Variants in PKN3 observed in about 807,000 individuals in gnomAD.
The protein encoded by PKN3 is serine/threonine-protein kinase N3.
A neutral mutation model predicts 113.1 loss-of-function variants in PKN3; 91 were observed. That is an observed-to-expected ratio of 0.80 (90% confidence interval 0.68 to 0.96). The LOEUF is 0.96. PKN3 is among the 40% of genes least tolerant of loss of function. The pLI, the probability that PKN3 is intolerant of heterozygous loss-of-function variation, is 0.00. For missense variants in PKN3, 1,052 were observed against 1,202.2 expected (o/e 0.88, Z 1.85); for synonymous variants, 467 against 499.0 (o/e 0.94, Z 0.85).
intron 16 of PKN3, 101 bp downstream of exon 16, chr9:128,717,024 G>A (rs937864633): frequency 1.1e-6 from 1 of 946,176 alleles, no homozygotes; most frequent in Non-Finnish European, 1.6e-6. Flanking sequence ...AACAGCAGGG[G>A]AGCAGGAGTC....
In PKN3 at chr9:128,713,369, T is replaced by C; in HGVS notation, c.1074T>C (p.Phe358=). 1 of 1,614,046 alleles carries C rather than the reference T, an allele frequency of 6.2e-7. No homozygotes were observed. Among genetic ancestry groups the C allele is most frequent in the Non-Finnish European group, 8.5e-7 (1 of 1,180,010 alleles). The change falls in exon 8 of 22, where the codon TTT becomes TTC. Residue 358 remains phenylalanine, a synonymous_variant. Coordinates refer to ENST00000291906, the MANE Select transcript of PKN3 (RefSeq NM_013355.5). ...QVAEQSWDQT[F]VIPLERAREL... ...CCGAACAGTCCTGGGACCAGACCTT[T>C]GTCATCCCACTGGAGCGAGTAAGGC...
chr9:128,717,742 G>A (rs1432762637), intron 16 of PKN3, among the ~76,000 whole-genome samples: 1 of 147,504 alleles, frequency 6.8e-6, no homozygotes, highest in Admixed American at 6.8e-5. Flanking sequence ...AAAAAAGGCC[G>A]GGCACGTTGG....
At position 128,720,432 on chromosome 9, in the gene PKN3, GC is replaced by G; in HGVS notation, c.2502del (p.Phe835SerfsTer25). On this transcript the variant is annotated frameshift_variant, in exon 22 of 22. Transcript: ENST00000291906. LOFTEE classifies it high-confidence loss of function. The surrounding 1 kb of genome is among the most constrained non-coding windows in gnomAD (Gnocchi z 5.5). ...WQALLARTIQ[P>X]PFVPTLCGPA... The stretch of plus-strand genomic sequence containing the variant: ...AAGCCCTGCTCGCCCGCACCATCCA[GC>G]CCCCCTTCGTGCCTACCCTGTGTGG... 6.2e-7 allele frequency: 1 copy of G among 1,613,204 alleles called. No individual in the cohort carries two copies.
chr9:128,719,723 C>T lies in PKN3; in HGVS notation c.2163C>T (p.Gly721=), dbSNP rs373802145. The T allele has an allele frequency of 8.2e-6, 13 of 1,586,454 alleles. No homozygotes were observed. In the African/African-American group the frequency reaches 1.6e-4, roughly 20 times the overall value. Residue 721 remains glycine (G), a synonymous_variant, in exon 19 of 22, where the codon GGC becomes GGT. Coordinates refer to ENST00000291906, the MANE Select transcript of PKN3 (RefSeq NM_013355.5). ...GFGDRTSTFC[G]TPEFLAPEVL... is the part of the protein sequence containing the mutation. ...GGGACCGGACTAGCACCTTCTGTGGCACCCCGGAGTTCCTGGCTCCCGAGG... is the reference window on the plus strand; with the variant it reads ...GGGACCGGACTAGCACCTTCTGTGGTACCCCGGAGTTCCTGGCTCCCGAGG...
intron 6 of PKN3, among the ~76,000 whole-genome samples, chr9:128,707,615 T>C (rs974791477): frequency 1.2e-4 from 19 of 152,268 alleles, no homozygotes; most frequent in African/African-American, 4.6e-4. Flanking sequence ...ATAGGGTTGC[T>C]GTGTTGCACG....
rs373814128 is a variant in PKN3 at position 128,720,374 on chromosome 9, C to T, written c.2458-20C>T. The T allele has an allele frequency of 1.9e-5, 31 of 1,612,454 alleles. No homozygotes were observed. The highest frequency in any genetic ancestry group is 6.7e-5 in the East Asian group (3 of 44,850). On this transcript the variant is annotated intron_variant, in intron 21 of 21. Coordinates refer to ENST00000291906, the MANE Select transcript of PKN3 (RefSeq NM_013355.5). This position sits in a 1 kb window ranked among gnomAD's most constrained non-coding sequence, Gnocchi z 5.5. The stretch of plus-strand genomic sequence containing the variant: ...GAGCTGCTGTTCCTGCCGTCTCAGG[C>T]GCCTCTCCTTTGCCCTCAGACCACC...
intron 6 of PKN3, among the ~76,000 whole-genome samples, chr9:128,707,931 G>C (rs987198419): frequency 6.6e-6 from 1 of 151,896 alleles, no homozygotes. Context: ...AATTAGCCGG[G>C]CGTGGTGGCG....
At chr9:128,717,720 TAAAAAA>T (rs568178531) in intron 16 of PKN3, among the ~76,000 whole-genome samples, 1 of 99,282 alleles carries the variant, frequency 1.0e-5, no homozygotes. Flanking sequence ...AGACTCCATC[TAAAAAA>T]AAAAAAAAAA....
In PKN3 at chr9:128,720,846, T is replaced by G; in HGVS notation, c.*240T>G. 1 of 594,606 alleles carries G rather than the reference T, an allele frequency of 1.7e-6. No homozygotes were observed. Among genetic ancestry groups the G allele is most frequent in the South Asian group, 2.0e-5 (1 of 49,066 alleles). 36.8% of individuals were successfully genotyped at this position (594,606 alleles called of 1,614,324 possible). ...CCAGCGAGACCTGGCCCAGAAAGGGTGCCGCAGCAAGGAGTGATATGGTTT... is the reference window on the plus strand; with the variant it reads ...CCAGCGAGACCTGGCCCAGAAAGGGGGCCGCAGCAAGGAGTGATATGGTTT... On this transcript the variant is annotated 3_prime_UTR_variant, in exon 22 of 22. Coordinates refer to ENST00000291906, the MANE Select transcript of PKN3 (RefSeq NM_013355.5). This position sits in a 1 kb window ranked among gnomAD's most constrained non-coding sequence, Gnocchi z 5.5.
At chr9:128,705,181 C>A in intron 1 of PKN3, 122 bp from the exon 2 acceptor site, 1 of 1,284,818 alleles carries the variant, frequency 7.8e-7, no homozygotes, top group Non-Finnish European at 1.1e-6. Flanking sequence ...TTCCAAAACC[C>A]TGTGCGAGTC....
chr9:128,718,219 G>C (rs1862402116), intron 16 of PKN3, 106 bp from the exon 17 acceptor site: 1 of 837,820 alleles, frequency 1.2e-6, no homozygotes, highest in South Asian at 1.4e-5. Flanking sequence ...CTCTGACTCT[G>C]GCCGGGACAT....
chr9:128,715,429 CAGG>C lies in PKN3; in HGVS notation c.1781_1783del (p.Glu594del). 6.2e-7 allele frequency: 1 copy of C among 1,613,866 alleles called. No homozygotes were observed. The highest frequency in any genetic ancestry group is 8.5e-7 in the Non-Finnish European group (1 of 1,179,918). On this transcript the variant is annotated inframe_deletion, in exon 15 of 22. Coordinates refer to ENST00000291906, the MANE Select transcript of PKN3 (RefSeq NM_013355.5). This position sits in a 1 kb window ranked among gnomAD's most constrained non-coding sequence, Gnocchi z 4.1. ...CTACGCCATCAAAGCACTGAAGAAG[CAGG>C]AGGTGCTCAGCCGGGACGAGATAGA...
Position 128,713,077 on chromosome 9 carries a change from C to A in PKN3, c.861C>A (p.Gly287=). The A allele has an allele frequency of 6.2e-7, 1 of 1,611,534 alleles. No individual in the cohort carries two copies. Among genetic ancestry groups the A allele is most frequent in the Admixed American group, 1.7e-5 (1 of 59,890 alleles). Residue 287 remains glycine (G), a synonymous_variant, in exon 7 of 22, where the codon GGC becomes GGA. Coordinates refer to ENST00000291906, the MANE Select transcript of PKN3 (RefSeq NM_013355.5). ...GGACACTGCAGGTCCGCCTCCTGGG[C>A]TGTGAACAGTTGCTGACAGCCGTGC... ...LTGTLQVRLL[G]CEQLLTAVPG...
chr9:128,709,317 G>A (rs1201903000), intron 6 of PKN3, among the ~76,000 whole-genome samples: 1 of 151,466 alleles, frequency 6.6e-6, no homozygotes, highest in Non-Finnish European at 1.5e-5. Flanking sequence ...AATTAGCCAG[G>A]TATGATGGTA....
Position 128,720,850 on chromosome 9 carries a change from G to A in PKN3, c.*244G>A, listed in dbSNP as rs755808871. On this transcript the variant is annotated 3_prime_UTR_variant, in exon 22 of 22. Coordinates refer to ENST00000291906, the MANE Select transcript of PKN3 (RefSeq NM_013355.5). This position sits in a 1 kb window ranked among gnomAD's most constrained non-coding sequence, Gnocchi z 5.5. ...CGAGACCTGGCCCAGAAAGGGTGCC[G>A]CAGCAAGGAGTGATATGGTTTGTCT... The A allele has an allele frequency of 7.6e-5, 45 of 592,646 alleles. No homozygotes were observed. Among genetic ancestry groups the A allele is most frequent in the Non-Finnish European group, 1.3e-4 (42 of 333,944 alleles). The allele number at this position is 592,646 out of a possible 1,614,324, so 36.7% of individuals were successfully genotyped here.
At position 128,707,798 on chromosome 9, in the gene PKN3, C is replaced by T. The variant is rs906664096; in HGVS notation, c.835+393C>T. On this transcript the variant is annotated intron_variant, in intron 6 of 21. Coordinates refer to ENST00000291906, the MANE Select transcript of PKN3 (RefSeq NM_013355.5). Reference sequence around the variant, plus strand: ...CTGTTAGAAAGTTTTCTAGGCTGGGCGTGGTGGCTCACGCTGGTAATTCCA... The same window carrying T: ...CTGTTAGAAAGTTTTCTAGGCTGGGTGTGGTGGCTCACGCTGGTAATTCCA... 2.6e-5 allele frequency among the ~76,000 whole-genome samples: 4 copies of T among 152,178 alleles called. No homozygotes were observed. In the South Asian group the frequency reaches 6.2e-4, roughly 24 times the overall value.
chr9:128,714,701 G>A, intron 12 of PKN3, 37 bp downstream of exon 12: 1 of 1,362,650 alleles, frequency 7.3e-7, no homozygotes, highest in Non-Finnish European at 1.1e-6. Context: ...CCTAGGGCCG[G>A]CTGGGGCTGG....
At chr9:128,711,345 C>T (rs1434049260) in intron 6 of PKN3, among the ~76,000 whole-genome samples, 1 of 141,664 alleles carries the variant, frequency 7.1e-6, no homozygotes, top group African/African-American at 2.7e-5. Context: ...CTTGCTCTGT[C>T]GCCCAGGCCG....
At chr9:128,702,968 C>A in intron 1 of PKN3, 29 bp downstream of exon 1, 2 of 1,378,720 alleles carry the variant, frequency 1.5e-6, no homozygotes, top group Non-Finnish European at 1.9e-6. Flanking sequence ...GCGCGCGGGC[C>A]CGGGGGGTGC....
Sources: gnomAD v4.1 joint callset for allele counts (sites outside exome capture counted in the v4.1 genomes callset) on GRCh38, gnomAD v4.1.1 for gene constraint, Gnocchi (gnomAD v3.1) non-coding constraint, MANE v1.5 for transcripts, NCBI Gene and HGNC (gene_info 2026-07-23, HGNC 2026-07-21) for gene names.